KANK1: variants seen among roughly 807,000 people sequenced by gnomAD.
KANK1 encodes KN motif and ankyrin repeat domain-containing protein 1.
In KANK1, 109 loss-of-function variants were observed where a neutral mutation model predicts 106.2. The observed-to-expected ratio is 1.03, with a 90% CI of 0.88 to 1.20. The LOEUF is 1.20. Ranked by LOEUF, KANK1 falls within the 50% of genes most tolerant of loss-of-function variation. The pLI is 0.00. For synonymous variants in KANK1, 873 were observed against 652.2 expected (o/e 1.34, Z -5.16); for missense variants, 2,399 against 1,710.7 (o/e 1.40, Z -7.10).
chr9:550,341 A>G (rs2061200870), intron 1 of KANK1, among the ~76,000 whole-genome samples: 2 of 152,232 alleles, frequency 1.3e-5, no homozygotes, highest in Non-Finnish European at 2.9e-5. Context: ...TTATTTAATA[A>G]TACAGTGCCT....
At chr9:714,428 C>G (rs977192519) in intron 3 of KANK1, among the ~76,000 whole-genome samples, 1 of 147,794 alleles carries the variant, frequency 6.8e-6, no homozygotes, top group Non-Finnish European at 1.5e-5. Context: ...GGTGCCATCT[C>G]GGCTCACTGC....
intron 1 of KANK1, among the ~76,000 whole-genome samples, chr9:611,303 G>A (rs1368303128): frequency 2.6e-5 from 4 of 152,174 alleles, no homozygotes; most frequent in Non-Finnish European, 4.4e-5. Flanking sequence ...CCCAGCCCAC[G>A]GGGCCAGTTC....
At chr9:577,764 C>G (rs1820969980) in intron 1 of KANK1, among the ~76,000 whole-genome samples, 1 of 152,168 alleles carries the variant, frequency 6.6e-6, no homozygotes, top group Non-Finnish European at 1.5e-5. Flanking sequence ...TTCAACAAGT[C>G]TTGCAGGTGA....
intron 1 of KANK1, among the ~76,000 whole-genome samples, chr9:631,980 G>C (rs1264391701): frequency 6.6e-6 from 1 of 152,136 alleles, no homozygotes; most frequent in Non-Finnish European, 1.5e-5. Context: ...ATTACAGTAT[G>C]CCATGATAAC....
At chr9:483,338 CT>C (rs2058239537) in intron 3 of KANK1, among the ~76,000 whole-genome samples, 3 of 152,140 alleles carry the variant, frequency 2.0e-5, no homozygotes, top group Non-Finnish European at 1.5e-5. Context: ...GCACTGATGC[CT>C]TAGCTTCAAT....
chr9:589,413 T>C (rs147637670), intron 1 of KANK1, among the ~76,000 whole-genome samples: 2 of 150,928 alleles, frequency 1.3e-5, no homozygotes, highest in East Asian at 3.9e-4. Context: ...TCTGGAGATT[T>C]GCTGGAAAAG....
intron 1 of KANK1, among the ~76,000 whole-genome samples, chr9:633,766 C>T (rs542621066): frequency 6.6e-6 from 1 of 152,162 alleles, no homozygotes; most frequent in Non-Finnish European, 1.5e-5. Context: ...GGTGTTCCTG[C>T]CTTAGCCTCC....
intron 1 of KANK1, among the ~76,000 whole-genome samples, chr9:522,461 A>C (rs1362055100): frequency 1.3e-5 from 2 of 151,556 alleles, no homozygotes; most frequent in Admixed American, 6.6e-5. Flanking sequence ...AGCAGAGCAT[A>C]TGCTCTGTGG....
At chr9:525,747 T>C (rs1378820066) in intron 1 of KANK1, among the ~76,000 whole-genome samples, 2 of 151,554 alleles carry the variant, frequency 1.3e-5, no homozygotes, top group Admixed American at 6.6e-5. Context: ...CATGTGGTGA[T>C]GTTAGCCCTG....
At chr9:645,126 CAAAAAAAA>C (rs56391632) in intron 1 of KANK1, among the ~76,000 whole-genome samples, 1 of 71,126 alleles carries the variant, frequency 1.4e-5, no homozygotes, top group African/African-American at 6.4e-5. Flanking sequence ...TCCATCTCTA[CAAAAAAAA>C]AAAAAAAAAA....
chr9:628,230 C>T (rs1834825712), intron 1 of KANK1, among the ~76,000 whole-genome samples: 1 of 152,184 alleles, frequency 6.6e-6, no homozygotes, highest in Non-Finnish European at 1.5e-5. Context: ...TCAACCTGCT[C>T]CTGGCTGCAG....
At chr9:724,523 C>T (rs1176196713) in intron 3 of KANK1, among the ~76,000 whole-genome samples, 1 of 151,962 alleles carries the variant, frequency 6.6e-6, no homozygotes, top group Non-Finnish European at 1.5e-5. Flanking sequence ...GGCGGCCAGG[C>T]ACGGTGGCTC....
At position 726,410 on chromosome 9, in the gene KANK1, G is replaced by A. The variant is rs58669668; in HGVS notation, c.2699-3641G>A. On this transcript the variant is annotated intron_variant, in intron 3 of 11. Transcript: ENST00000382297. The stretch of plus-strand genomic sequence containing the variant: ...CCCCAGCACTTTGGGAGGCTGAGGC[G>A]GGTGGATCACCTGAGGTCAGGAGTT... Among the ~76,000 whole-genome samples, 1,293 of 152,088 alleles carry A rather than the reference G, an allele frequency of 8.5e-3. 17 individuals are homozygous for A. Among genetic ancestry groups the A allele is most frequent in the African/African-American group, 0.029 (1,223 of 41,498 alleles).
At chr9:656,972 C>A (rs1184906020) in intron 1 of KANK1, among the ~76,000 whole-genome samples, 1 of 152,130 alleles carries the variant, frequency 6.6e-6, no homozygotes, top group Non-Finnish European at 1.5e-5. Context: ...ATGCACAATG[C>A]CATGACAGAT....
chr9:484,689 G>A (rs185225338), intron 3 of KANK1, among the ~76,000 whole-genome samples: 4 of 152,332 alleles, frequency 2.6e-5, no homozygotes, highest in Non-Finnish European at 5.9e-5. Flanking sequence ...TTCCTTGTCT[G>A]TTCTCAAGGA....
chr9:562,831 T>A (rs1816843063), intron 1 of KANK1, among the ~76,000 whole-genome samples: 1 of 152,254 alleles, frequency 6.6e-6, no homozygotes, highest in African/African-American at 2.4e-5. Flanking sequence ...TGCTTGATTT[T>A]GCCTTGATGT....
chr9:691,669 A>T (rs896164828), intron 2 of KANK1, among the ~76,000 whole-genome samples: 1 of 137,836 alleles, frequency 7.3e-6, no homozygotes, highest in East Asian at 2.1e-4. Context: ...GCTGGAGTAC[A>T]GTAGCATGAT....
intron 1 of KANK1, chr9:547,214 CTAAGTTTTG>C (rs2060985937): frequency 6.6e-6 from 1 of 152,154 alleles, no homozygotes; most frequent in Non-Finnish European, 1.5e-5. Flanking sequence ...AGGTTGCTGG[CTAAGTTTTG>C]TGAGCCCCTC....
intron 1 of KANK1, among the ~76,000 whole-genome samples, chr9:630,265 C>T (rs1031379283): frequency 7.1e-5 from 10 of 141,212 alleles, no homozygotes; most frequent in African/African-American, 2.4e-4. Flanking sequence ...AGAAAAAAAA[C>T]GAGTTGGGGG....
Sources: gnomAD v4.1 joint callset for allele counts (sites outside exome capture counted in the v4.1 genomes callset) on GRCh38, gnomAD v4.1.1 for gene constraint, MANE v1.5 for transcripts, NCBI Gene and HGNC (gene_info 2026-07-23, HGNC 2026-07-21) for gene names.